Variants in SLC14A2 observed in about 807,000 individuals in gnomAD.
The protein encoded by SLC14A2 is urea transporter 2.
Under a neutral mutation model 104.6 loss-of-function variants are expected in SLC14A2, and 91 were observed. The observed-to-expected ratio is 0.87, with a 90% CI of 0.73 to 1.04. SLC14A2 has a LOEUF of 1.04. Among genes scored for constraint, SLC14A2 ranks in the 50% least tolerant of loss-of-function variants. SLC14A2 has a pLI of 0.00. For synonymous variants in SLC14A2, 476 were observed against 466.4 expected (o/e 1.02, Z -0.27); for missense variants, 1,189 against 1,156.0 (o/e 1.03, Z -0.41).
At position 45,667,071 on chromosome 18, in the gene SLC14A2, A is replaced by T; in HGVS notation, c.1694A>T (p.Lys565Met). The T allele has an allele frequency of 6.2e-7, 1 of 1,613,884 alleles. No individual in the cohort carries two copies. The highest frequency in any genetic ancestry group is 1.7e-4 in the Middle Eastern group (1 of 6,030). ...KALSYITGEMKECGEGLKDKS... is the reference protein window; with the variant it reads ...KALSYITGEMMECGEGLKDKS... ...CTCAGCTACATCACAGGAGAGATGA[A>T]GGAGTGTGGAGAGGGACTTAAAGGT... Residue 565 changes from lysine to methionine, a missense_variant, in exon 13 of 20, where the codon AAG (lysine) becomes ATG (methionine). Physicochemically the swap from Lys to Met is moderately conservative, Grantham distance 95. Coordinates refer to ENST00000255226, the MANE Select transcript of SLC14A2 (RefSeq NM_007163.4).
intron 1 of SLC14A2, among the ~76,000 whole-genome samples, chr18:45,377,195 C>T (rs550095396): frequency 6.6e-6 from 1 of 152,190 alleles, no homozygotes; most frequent in African/African-American, 2.4e-5. Flanking sequence ...TATTAACCCT[C>T]AGCTTACATC....
intron 1 of SLC14A2, among the ~76,000 whole-genome samples, chr18:45,293,118 T>A (rs1177287875): frequency 6.6e-6 from 1 of 152,162 alleles, no homozygotes; most frequent in African/African-American, 2.4e-5. Flanking sequence ...AAAGGAGAAC[T>A]CTAAACATAT....
the SLC14A2 span, among the ~76,000 whole-genome samples, chr18:45,170,675 T>C: frequency 1.3e-5 from 2 of 152,196 alleles, no homozygotes; most frequent in African/African-American, 4.8e-5. Context: ...ACTTTCTATT[T>C]TTCATTGTTG....
chr18:45,236,552 T>C lies in SLC14A2; in HGVS notation c.-125+23361T>C, dbSNP rs993321025. ...ATATGTATATATACATGTATGTGTG[T>C]ATATATGTGTATATATGTATATATA... On this transcript the variant is annotated intron_variant, in intron 1 of 20. Transcript: ENST00000586448. 2.1e-5 allele frequency among the ~76,000 whole-genome samples: 2 copies of C among 94,722 alleles called. 1 individual carries two copies. The highest frequency in any genetic ancestry group is 4.6e-5 in the Non-Finnish European group (2 of 43,138). 62.1% of individuals were successfully genotyped at this position (94,722 alleles called of 152,430 possible).
chr18:45,307,248 C>A (rs2085031899), intron 1 of SLC14A2, among the ~76,000 whole-genome samples: 1 of 151,902 alleles, frequency 6.6e-6, no homozygotes, highest in Admixed American at 6.6e-5. Flanking sequence ...AAAACCTCGT[C>A]TCTACTGAAA....
At chr18:45,379,631 T>A (rs374837059) in intron 1 of SLC14A2, among the ~76,000 whole-genome samples, 3 of 152,372 alleles carry the variant, frequency 2.0e-5, no homozygotes, top group Admixed American at 6.5e-5. Context: ...ACAGTGTGAA[T>A]GAACACCATC....
At chr18:45,621,951 C>T (rs1185478833) in intron 1 of SLC14A2, among the ~76,000 whole-genome samples, 1 of 152,128 alleles carries the variant, frequency 6.6e-6, no homozygotes, top group Non-Finnish European at 1.5e-5. Context: ...GGAAAGTGTT[C>T]AACACCTTAC....
chr18:45,431,213 A>G lies in SLC14A2; in HGVS notation c.-124-52020A>G, dbSNP rs56239983. ...AAGTGACCATTGGACTCTCTTCTCA[A>G]GGGATTTCTGGAGTCAGTTTTGAAA... is the stretch of plus-strand genomic sequence containing the variant. On this transcript the variant is annotated intron_variant, in intron 1 of 20. Coordinates refer to the SLC14A2 transcript ENST00000586448. 2.6e-3 allele frequency among the ~76,000 whole-genome samples: 396 copies of G among 152,276 alleles called. 2 individuals are homozygous for G. The highest frequency in any genetic ancestry group is 4.1e-3 in the Non-Finnish European group (278 of 68,034).
intron 1 of SLC14A2, among the ~76,000 whole-genome samples, chr18:45,265,732 G>A (rs1177145503): frequency 6.6e-6 from 1 of 152,210 alleles, no homozygotes. Context: ...AGCCTGAGGA[G>A]AGGGCAAGCC....
At position 45,639,840 on chromosome 18, in the gene SLC14A2, C is replaced by T. The variant is rs758464911; in HGVS notation, c.938C>T (p.Ser313Leu). The T allele has an allele frequency of 1.2e-5, 20 of 1,613,752 alleles. No individual in the cohort carries two copies. Among genetic ancestry groups the T allele is most frequent in the South Asian group, 5.5e-5 (5 of 91,064 alleles). ...TTCCTGGTGGCTCTGTTCATCTCCT[C>T]GCCACTCATCTGCTTGCATGCAGCC... ...GVFLVALFISSPLICLHAAIG... is the reference protein window; with the variant it reads ...GVFLVALFISLPLICLHAAIG... Residue 313 changes from serine to leucine, a missense_variant, in exon 7 of 20, where the codon TCG (serine) becomes TTG (leucine). By Grantham distance (145) the Ser-to-Leu change is moderately radical (BLOSUM62 -2). Coordinates refer to ENST00000255226, the MANE Select transcript of SLC14A2 (RefSeq NM_007163.4).
chr18:45,276,132 G>A (rs1371986865), intron 1 of SLC14A2, among the ~76,000 whole-genome samples: 3 of 152,234 alleles, frequency 2.0e-5, no homozygotes, highest in Admixed American at 6.5e-5. Flanking sequence ...AAGTGTGTGA[G>A]GCAGAGAGTA....
intron 1 of SLC14A2, among the ~76,000 whole-genome samples, chr18:45,262,552 C>G (rs1270141502): frequency 6.6e-6 from 1 of 152,134 alleles, no homozygotes; most frequent in Non-Finnish European, 1.5e-5. Flanking sequence ...AATGCCCACA[C>G]CTACAATAGA....
chr18:45,528,025 G>A (rs192844004), intron 2 of SLC14A2: 2 of 152,280 alleles, frequency 1.3e-5, no homozygotes, highest in East Asian at 3.9e-4. Flanking sequence ...GCCACCATTA[G>A]GCTAAAAGGC....
intron 1 of SLC14A2, among the ~76,000 whole-genome samples, chr18:45,261,348 AT>A (rs2084534901): frequency 6.6e-6 from 1 of 151,074 alleles, no homozygotes; most frequent in Admixed American, 6.6e-5. Context: ...TGAACTCATT[AT>A]TTTTTATGGC....
At chr18:45,252,177 T>C (rs992542982) in intron 1 of SLC14A2, among the ~76,000 whole-genome samples, 3 of 152,180 alleles carry the variant, frequency 2.0e-5, no homozygotes, top group African/African-American at 7.2e-5. Flanking sequence ...CCTCTGAACA[T>C]CTGTAACAGA....
chr18:45,495,725 G>T (rs2043085498), intron 2 of SLC14A2, among the ~76,000 whole-genome samples: 1 of 152,178 alleles, frequency 6.6e-6, no homozygotes, highest in Admixed American at 6.5e-5. Context: ...TTTCTCGAGG[G>T]ATTTAGGTCA....
intron 1 of SLC14A2, among the ~76,000 whole-genome samples, chr18:45,426,644 T>C (rs936630834): frequency 6.7e-6 from 1 of 148,358 alleles, no homozygotes; most frequent in Non-Finnish European, 1.5e-5. Context: ...TATATCTATA[T>C]ACATATATAC....
chr18:45,638,577 G>C (rs1431067292), intron 6 of SLC14A2, among the ~76,000 whole-genome samples: 1 of 152,110 alleles, frequency 6.6e-6, no homozygotes, highest in Non-Finnish European at 1.5e-5. Flanking sequence ...AATTAAATCA[G>C]AATGTCTAGG....
chr18:45,430,907 G>GAGAC (rs1307014582), intron 1 of SLC14A2, among the ~76,000 whole-genome samples: 3 of 152,172 alleles, frequency 2.0e-5, no homozygotes, highest in African/African-American at 7.2e-5. Flanking sequence ...GACACCCAGG[G>GAGAC]AGACCTTTTA....
Sources: allele counts gnomAD v4.1 joint callset (sites outside exome capture counted in the v4.1 genomes callset), GRCh38; gene constraint gnomAD v4.1.1; transcripts MANE v1.5; gene names NCBI Gene and HGNC (gene_info 2026-07-23, HGNC 2026-07-21).